Variants in RHCE observed in about 807,000 individuals in gnomAD.
RHCE encodes Rh blood group CcEe antigens.
A neutral mutation model predicts 43.8 loss-of-function variants in RHCE; 22 were observed. The observed-to-expected ratio is 0.50, with a 90% confidence interval of 0.36 to 0.72. The LOEUF is 0.72. RHCE is among the 30% of genes least tolerant of loss of function. RHCE has a pLI of 0.00. For synonymous variants in RHCE, 156 were observed against 210.7 expected, an observed-to-expected ratio of 0.74 and a Z score of 2.25; for missense variants, 385 against 525.4, an observed-to-expected ratio of 0.73 and a Z score of 2.61.
At chr1:25,417,435 T>C (rs1191815430) in intron 1 of RHCE, among the ~76,000 whole-genome samples, 2 of 152,064 alleles carry the variant, frequency 1.3e-5, no homozygotes, top group African/African-American at 4.8e-5. Context: ...ATAATGGCAG[T>C]CAAGTGAACA....
In RHCE at chr1:25,397,629, C is replaced by T. The variant is rs561397067; in HGVS notation, c.486+4967G>A. Among the ~76,000 whole-genome samples, 68 of 152,298 alleles carry T rather than the reference C, an allele frequency of 4.5e-4. 2 individuals are homozygous for T. In the South Asian group the frequency reaches 0.012, roughly 26 times the overall value. The stretch of plus-strand genomic sequence containing the variant: ...CTTGCTGCGGTCTCAGCCTCCTGGC[C>T]GCCCCTTGGTCACTGATGATGTCAG... On this transcript the variant is annotated intron_variant, in intron 3 of 9. Coordinates refer to ENST00000294413, the MANE Select transcript of RHCE (RefSeq NM_020485.8).
chr1:25,425,097 G>A (rs1282210241), upstream of RHCE, among the ~76,000 whole-genome samples: 3 of 152,172 alleles, frequency 2.0e-5, no homozygotes, highest in African/African-American at 7.2e-5. Flanking sequence ...GATTACAGGC[G>A]TGAGCCACTG....
At chr1:25,424,242 A>G (rs2042788622), upstream of RHCE, among the ~76,000 whole-genome samples, 1 of 152,186 alleles carries the variant, frequency 6.6e-6, no homozygotes, top group Admixed American at 6.5e-5. Context: ...TTTGACTTAC[A>G]ATATTTCCTA....
chr1:25,402,861 T>C, intron 2 of RHCE, 115 bp from the exon 3 acceptor site: 5 of 1,470,908 alleles, frequency 3.4e-6, no homozygotes, highest in Non-Finnish European at 4.7e-6. Flanking sequence ...TCTGTGGAAA[T>C]AGAAGACAAG....
intron 2 of RHCE, among the ~76,000 whole-genome samples, chr1:25,404,579 C>T (rs1262665714): frequency 2.1e-5 from 3 of 142,132 alleles, no homozygotes; most frequent in Non-Finnish European, 3.2e-5. Context: ...TGTGTGCCGG[C>T]GGCGGTATTT....
intron 3 of RHCE, among the ~76,000 whole-genome samples, chr1:25,396,560 CTT>C (rs1646543562): frequency 6.6e-6 from 1 of 152,098 alleles, no homozygotes; most frequent in Non-Finnish European, 1.5e-5. Flanking sequence ...CCTCAGGAAA[CTT>C]ACAATCATGG....
chr1:25,372,183 A>T (rs1001973188), intron 8 of RHCE, among the ~76,000 whole-genome samples: 1 of 151,648 alleles, frequency 6.6e-6, no homozygotes, highest in African/African-American at 2.4e-5. Context: ...TGTTGGTCTA[A>T]TCTCTCAGCA....
At chr1:25,401,625 A>G (rs531630463) in intron 3 of RHCE, among the ~76,000 whole-genome samples, 1 of 152,350 alleles carries the variant, frequency 6.6e-6, no homozygotes, top group South Asian at 2.1e-4. Context: ...ATGAGAGGAC[A>G]TGTGCAGTTA....
At chr1:25,393,836 T>G (rs1031321339) in intron 3 of RHCE, among the ~76,000 whole-genome samples, 2 of 151,796 alleles carry the variant, frequency 1.3e-5, no homozygotes, top group African/African-American at 4.8e-5. Flanking sequence ...GTCATTCAGC[T>G]GCCTGAAATG....
intron 3 of RHCE, among the ~76,000 whole-genome samples, chr1:25,392,855 G>A (rs1054691104): frequency 1.4e-4 from 22 of 151,954 alleles, no homozygotes; most frequent in African/African-American, 2.4e-4. Flanking sequence ...GAGCCACCAC[G>A]CCCGGCCTAT....
chr1:25,429,746 A>C (rs1355962947), intron 1 of RHCE, among the ~76,000 whole-genome samples: 2 of 152,142 alleles, frequency 1.3e-5, no homozygotes, highest in Non-Finnish European at 2.9e-5. Context: ...TATTTGTGTT[A>C]ATGTGATGAG....
In RHCE at chr1:25,411,461, C is replaced by A; in HGVS notation, c.149-2592G>T. On this transcript the variant is annotated intron_variant, in intron 1 of 9. Transcript: ENST00000294413. ...ACATTTAAATTCACTTCCATTGAAA[C>A]GTACACACACCCAGGGTCTGCCAGA... The A allele has an allele frequency of 2.6e-6, 4 of 1,548,922 alleles. No individual in the cohort carries two copies. The Admixed American group carries it at 7.9e-5, about 30-fold the overall frequency.
At chr1:25,376,158 G>T (rs1645780205) in intron 7 of RHCE, among the ~76,000 whole-genome samples, 1 of 152,084 alleles carries the variant, frequency 6.6e-6, no homozygotes, top group Non-Finnish European at 1.5e-5. Flanking sequence ...GGTGGGTGGG[G>T]TAGAGCTTGG....
intron 3 of RHCE, among the ~76,000 whole-genome samples, chr1:25,393,390 G>A (rs1294198923): frequency 6.6e-6 from 1 of 152,142 alleles, no homozygotes; most frequent in African/African-American, 2.4e-5. Flanking sequence ...GGAGGCTGAG[G>A]TGGGTGGATC....
In RHCE at chr1:25,392,060, G is replaced by A. The variant is rs534550543; in HGVS notation, c.568C>T (p.Pro190Ser). 2 of 1,614,166 alleles carry A rather than the reference G, an allele frequency of 1.2e-6. No homozygotes were observed. Among genetic ancestry groups the A allele is most frequent in the African/African-American group, 2.7e-5 (2 of 75,018 alleles). Residue 190 changes from proline (P) to serine (S), a missense_variant, in exon 4 of 10, where the codon CCT becomes TCT. Pro to Ser is a moderately conservative substitution (Grantham distance 74, BLOSUM62 -1). Coordinates refer to ENST00000294413, the MANE Select transcript of RHCE (RefSeq NM_020485.8). ...TTATCCTCCGTTCCCTTGGGTAGAG[G>A]CTTTGGCAGGCACCAGGCCACAGTC... ...GLTVAWCLPK[P>S]LPKGTEDNDQ... is the part of the protein sequence containing the mutation.
chr1:25,413,559 G>A (rs1004935951), intron 1 of RHCE, among the ~76,000 whole-genome samples: 1 of 152,174 alleles, frequency 6.6e-6, no homozygotes, highest in Non-Finnish European at 1.5e-5. Context: ...AAGCCTTCAG[G>A]AAAAGTTTAT....
chr1:25,411,473 CA>C, intron 1 of RHCE: 1 of 1,546,830 alleles, frequency 6.5e-7, no homozygotes, highest in Non-Finnish European at 8.7e-7. Context: ...TACACACACC[CA>C]GGGTCTGCCA....
intron 1 of RHCE, among the ~76,000 whole-genome samples, chr1:25,414,292 C>G (rs188360185): frequency 6.6e-6 from 1 of 152,214 alleles, no homozygotes; most frequent in Admixed American, 6.5e-5. Context: ...ATCTGCACCC[C>G]CTCCCACTCT....
rs949723296 is a variant in RHCE at position 25,362,694 on chromosome 1, T to C, written c.1228-141A>G. On this transcript the variant is annotated intron_variant, in intron 9 of 9. Transcript: ENST00000294413. The stretch of plus-strand genomic sequence containing the variant: ...AATCTGAATTGGAAGAGATCTTGGA[T>C]ATATAGGTTTTATTTCATCTAACGT... The C allele has an allele frequency of 1.0e-3, 559 of 549,536 alleles. 1 individual carries two copies. The highest frequency in any genetic ancestry group is 1.4e-3 in the Non-Finnish European group (464 of 331,030). 34.0% of individuals were successfully genotyped at this position (549,536 alleles called of 1,614,324 possible).
Sources: gnomAD v4.1 joint callset for allele counts (sites outside exome capture counted in the v4.1 genomes callset) on GRCh38, gnomAD v4.1.1 for gene constraint, MANE v1.5 for transcripts, NCBI Gene and HGNC (gene_info 2026-07-23, HGNC 2026-07-21) for gene names.